Variants in TNFSF4 observed in about 807,000 individuals in gnomAD.
The protein encoded by TNFSF4 is TNF superfamily member 4.
In TNFSF4, 4 loss-of-function variants were observed where a neutral mutation model predicts 7.3. The observed-to-expected ratio is 0.55, with a 90% CI of 0.27 to 1.25. The LOEUF is 1.25. Among genes scored for constraint, TNFSF4 ranks in the 50% most tolerant of loss-of-function variants. The pLI, the probability that TNFSF4 is intolerant of heterozygous loss-of-function variation, is 0.12. For synonymous variants in TNFSF4, 76 were observed against 83.7 expected (o/e 0.91, Z 0.50); for missense variants, 181 against 208.8 (o/e 0.87, Z 0.82).
At chr1:173,360,802 C>T in the TNFSF4 span, among the ~76,000 whole-genome samples, 159 of 152,272 alleles carry the variant, frequency 1.0e-3, no homozygotes, top group African/African-American at 2.5e-3. Context: ...AGTAATAACC[C>T]ACATAAATTA....
At chr1:173,203,080 G>A (rs994595929) in intron 1 of TNFSF4, among the ~76,000 whole-genome samples, 6 of 151,938 alleles carry the variant, frequency 3.9e-5, no homozygotes, top group East Asian at 1.9e-4. Context: ...TGTTTATATC[G>A]CCAGTGCCTC....
the TNFSF4 span, among the ~76,000 whole-genome samples, chr1:173,227,682 C>T: frequency 6.6e-6 from 1 of 152,202 alleles, no homozygotes; most frequent in Admixed American, 6.5e-5. Flanking sequence ...AATTTCCTTT[C>T]CTACCCAAGG....
At chr1:173,331,281 C>A in the TNFSF4 span, among the ~76,000 whole-genome samples, 2 of 152,162 alleles carry the variant, frequency 1.3e-5, no homozygotes. Flanking sequence ...GTTTTCTGAT[C>A]GAGTCTCAGT....
chr1:173,322,312 G>A, the TNFSF4 span, among the ~76,000 whole-genome samples: 1 of 152,184 alleles, frequency 6.6e-6, no homozygotes, highest in African/African-American at 2.4e-5. Context: ...TAAGCCCCAT[G>A]TGCATTAGCT....
chr1:173,191,124 G>A (rs1021104608), intron 1 of TNFSF4, among the ~76,000 whole-genome samples: 8 of 152,120 alleles, frequency 5.3e-5, no homozygotes, highest in Non-Finnish European at 1.0e-4. Flanking sequence ...TGCAACTTAA[G>A]GAATGTTCCA....
the TNFSF4 span, among the ~76,000 whole-genome samples, chr1:173,228,381 A>G: frequency 1.8e-4 from 27 of 152,242 alleles, no homozygotes; most frequent in African/African-American, 6.5e-4. Context: ...ACTGTTAGAA[A>G]GAAAACTAAC....
At chr1:173,300,726 A>G in the TNFSF4 span, among the ~76,000 whole-genome samples, 1 of 151,856 alleles carries the variant, frequency 6.6e-6, no homozygotes, top group Non-Finnish European at 1.5e-5. Context: ...GTAAACATTC[A>G]ATCCAAACTA....
chr1:173,403,967 G>T, the TNFSF4 span, among the ~76,000 whole-genome samples: 1 of 152,076 alleles, frequency 6.6e-6, no homozygotes, highest in Admixed American at 6.5e-5. Flanking sequence ...CCTGAAGGGG[G>T]AAATATAAAA....
the TNFSF4 span, among the ~76,000 whole-genome samples, chr1:173,342,893 G>A: frequency 6.6e-6 from 1 of 152,186 alleles, no homozygotes; most frequent in African/African-American, 2.4e-5. Context: ...TATCTAGAAG[G>A]GAGAAGGAAA....
the TNFSF4 span, among the ~76,000 whole-genome samples, chr1:173,424,385 G>A: frequency 6.6e-6 from 1 of 152,154 alleles, no homozygotes; most frequent in Non-Finnish European, 1.5e-5. Flanking sequence ...TATCTATAAC[G>A]AAAGGCACAA....
At chr1:173,277,663 C>T in the TNFSF4 span, among the ~76,000 whole-genome samples, 2 of 152,100 alleles carry the variant, frequency 1.3e-5, no homozygotes, top group Non-Finnish European at 2.9e-5. Context: ...TTAGCACTAT[C>T]TCTGGGTCAC....
chr1:173,348,956 T>C, the TNFSF4 span, among the ~76,000 whole-genome samples: 3 of 152,206 alleles, frequency 2.0e-5, no homozygotes, highest in Admixed American at 1.3e-4. Context: ...AACACAGGTC[T>C]GAACAACGGT....
At chr1:173,212,522 A>T in the TNFSF4 span, among the ~76,000 whole-genome samples, 3 of 151,496 alleles carry the variant, frequency 2.0e-5, no homozygotes, top group African/African-American at 7.3e-5. Context: ...TCATCTTGTA[A>T]TTCTTTAAAT....
the TNFSF4 span, among the ~76,000 whole-genome samples, chr1:173,224,223 C>T: frequency 1.3e-5 from 2 of 152,178 alleles, no homozygotes; most frequent in African/African-American, 4.8e-5. Flanking sequence ...CATGCACAAA[C>T]ACAAAACTAG....
chr1:173,367,163 A>G, the TNFSF4 span, among the ~76,000 whole-genome samples: 2 of 152,238 alleles, frequency 1.3e-5, no homozygotes, highest in East Asian at 3.8e-4. Flanking sequence ...TGAATCATTC[A>G]GAGAACTAAA....
the TNFSF4 span, among the ~76,000 whole-genome samples, chr1:173,407,628 G>A: frequency 1.3e-5 from 2 of 148,682 alleles, no homozygotes; most frequent in Non-Finnish European, 3.0e-5. Flanking sequence ...CTGTGCTGCT[G>A]TAGATTAAAA....
At chr1:173,404,987 C>G in the TNFSF4 span, among the ~76,000 whole-genome samples, 1 of 152,134 alleles carries the variant, frequency 6.6e-6, no homozygotes, top group African/African-American at 2.4e-5. Context: ...AACCCCTATC[C>G]ATTTTACTCT....
chr1:173,387,070 G>A, the TNFSF4 span, among the ~76,000 whole-genome samples: 1 of 152,134 alleles, frequency 6.6e-6, no homozygotes, highest in African/African-American at 2.4e-5. Context: ...CTTAGATGAG[G>A]CTCTGGACTT....
chr1:173,359,763 G>A, the TNFSF4 span, among the ~76,000 whole-genome samples: 1 of 152,154 alleles, frequency 6.6e-6, no homozygotes, highest in African/African-American at 2.4e-5. Context: ...CTAAGATAGT[G>A]TTTCCAATCT....
Sources: gnomAD v4.1 joint callset for allele counts (sites outside exome capture counted in the v4.1 genomes callset) on GRCh38, gnomAD v4.1.1 for gene constraint, MANE v1.5 for transcripts, NCBI Gene and HGNC (gene_info 2026-07-23, HGNC 2026-07-21) for gene names.